SLC9A9: variants seen among roughly 807,000 people sequenced by gnomAD.
The protein encoded by SLC9A9 is solute carrier family 9 member A9.
SLC9A9 carries 62 observed loss-of-function variants against 77.8 expected under a neutral mutation model. The observed-to-expected ratio is 0.80, with a 90% CI of 0.65 to 0.98. The LOEUF is 0.98. SLC9A9 is among the 50% of genes least tolerant of loss of function. The probability of loss-of-function intolerance (pLI) is 0.00; values close to 1 mark genes in which losing one functional copy is unlikely to be tolerated. For synonymous variants in SLC9A9, 320 were observed against 283.5 expected (o/e 1.13, Z -1.29); for missense variants, 775 against 774.9 (o/e 1.00, Z 0.00).
At chr3:143,533,318 G>T (rs2036544342) in intron 9 of SLC9A9, among the ~76,000 whole-genome samples, 1 of 152,170 alleles carries the variant, frequency 6.6e-6, no homozygotes, top group South Asian at 2.1e-4. Flanking sequence ...CACATCTAGT[G>T]CTTGTCCTCC....
At chr3:143,335,570 A>G (rs1480335277) in intron 14 of SLC9A9, among the ~76,000 whole-genome samples, 1 of 152,210 alleles carries the variant, frequency 6.6e-6, no homozygotes, top group Admixed American at 6.5e-5. Context: ...ATAAAAACAG[A>G]CATTTAGACC....
chr3:143,283,298 G>C (rs1938280001), intron 14 of SLC9A9, among the ~76,000 whole-genome samples: 1 of 152,174 alleles, frequency 6.6e-6, no homozygotes, highest in South Asian at 2.1e-4. Context: ...GTAGGAGACG[G>C]GTGGGCACTG....
At chr3:143,465,338 T>G (rs959022201) in intron 12 of SLC9A9, among the ~76,000 whole-genome samples, 16 of 152,236 alleles carry the variant, frequency 1.1e-4, no homozygotes, top group African/African-American at 3.9e-4. Flanking sequence ...CCCCTCTCCC[T>G]GCTGGACCAG....
chr3:143,467,264 A>T, intron 11 of SLC9A9, 74 bp from the exon 12 acceptor site: 1 of 1,559,834 alleles, frequency 6.4e-7, no homozygotes. Context: ...TCATCTTTAC[A>T]ATTTGCTGAC....
chr3:143,525,533 C>T (rs868455482), intron 9 of SLC9A9, among the ~76,000 whole-genome samples: 1 of 152,194 alleles, frequency 6.6e-6, no homozygotes. Flanking sequence ...CCAATCATCC[C>T]ACAAGCTGCC....
intron 5 of SLC9A9, among the ~76,000 whole-genome samples, chr3:143,656,063 AG>A (rs756758006): frequency 1.7e-4 from 26 of 152,330 alleles, no homozygotes; most frequent in Non-Finnish European, 3.1e-4. Flanking sequence ...GAAGGGCAGA[AG>A]GGGAATGTGT....
intron 12 of SLC9A9, among the ~76,000 whole-genome samples, chr3:143,391,942 G>A (rs559427857): frequency 6.6e-6 from 1 of 152,306 alleles, no homozygotes; most frequent in South Asian, 2.1e-4. Flanking sequence ...CAAGAAATAT[G>A]GGACTGTGTG....
chr3:143,705,958 A>G (rs1268225103), intron 4 of SLC9A9, among the ~76,000 whole-genome samples: 1 of 152,236 alleles, frequency 6.6e-6, no homozygotes, highest in Admixed American at 6.5e-5. Context: ...TAAGTGTCCT[A>G]CGAGAGGTCA....
intron 6 of SLC9A9, among the ~76,000 whole-genome samples, chr3:143,633,513 A>C (rs2038462649): frequency 1.3e-5 from 2 of 152,178 alleles, no homozygotes; most frequent in Non-Finnish European, 2.9e-5. Flanking sequence ...GTTTGTATGT[A>C]GCACAGTATA....
chr3:143,329,217 C>T (rs1166859287), intron 14 of SLC9A9, among the ~76,000 whole-genome samples: 3 of 152,098 alleles, frequency 2.0e-5, no homozygotes, highest in Non-Finnish European at 2.9e-5. Context: ...ACAGCTCTAG[C>T]AATGTTTTTT....
chr3:143,782,467 G>T (rs76013861), intron 4 of SLC9A9, among the ~76,000 whole-genome samples: 2,552 of 152,282 alleles, frequency 0.017, 71 homozygotes, highest in African/African-American at 0.059. Flanking sequence ...AGTAAGTTTA[G>T]CTTACAAGTT....
At chr3:143,641,447 G>A (rs1322572088) in intron 6 of SLC9A9, among the ~76,000 whole-genome samples, 1 of 126,188 alleles carries the variant, frequency 7.9e-6, no homozygotes, top group Non-Finnish European at 1.6e-5. Context: ...GCAACAGAGT[G>A]CAGTGGCGCA....
chr3:143,712,110 T>C (rs1216991470), intron 4 of SLC9A9, among the ~76,000 whole-genome samples: 2 of 152,208 alleles, frequency 1.3e-5, no homozygotes, highest in African/African-American at 2.4e-5. Context: ...AAGTCCCCAT[T>C]TGATTTGAGT....
chr3:143,733,540 G>T (rs775938250), intron 4 of SLC9A9, among the ~76,000 whole-genome samples: 12 of 152,156 alleles, frequency 7.9e-5, no homozygotes, highest in Non-Finnish European at 1.5e-4. Flanking sequence ...TGAGGTCATA[G>T]GTGGGGCCTA....
intron 13 of SLC9A9, among the ~76,000 whole-genome samples, chr3:143,367,511 G>C (rs1018737735): frequency 1.3e-5 from 2 of 152,120 alleles, no homozygotes; most frequent in Non-Finnish European, 2.9e-5. Flanking sequence ...GGTTATGAAA[G>C]GCCATCAATA....
At chr3:143,506,450 G>A (rs2036019405) in intron 9 of SLC9A9, among the ~76,000 whole-genome samples, 1 of 152,012 alleles carries the variant, frequency 6.6e-6, no homozygotes. Flanking sequence ...TATTTCTTTG[G>A]TTCACAGAAA....
intron 4 of SLC9A9, among the ~76,000 whole-genome samples, chr3:143,788,527 C>T (rs1467377815): frequency 1.3e-5 from 2 of 151,800 alleles, no homozygotes; most frequent in Non-Finnish European, 2.9e-5. Flanking sequence ...CCCATCTCTA[C>T]TAAAACTATG....
chr3:143,484,580 C>T (rs143598414), intron 11 of SLC9A9, among the ~76,000 whole-genome samples: 124 of 152,278 alleles, frequency 8.1e-4, no homozygotes, highest in Middle Eastern at 3.4e-3. Context: ...GAGCCTAGGG[C>T]TGGGAGCGGG....
chr3:143,717,119 A>G (rs867704551), intron 4 of SLC9A9, among the ~76,000 whole-genome samples: 127 of 152,230 alleles, frequency 8.3e-4, no homozygotes, highest in African/African-American at 2.9e-3. Flanking sequence ...ATGTCCTTAC[A>G]CTAAACATAA....
Sources: allele counts gnomAD v4.1 joint callset (sites outside exome capture counted in the v4.1 genomes callset), GRCh38; gene constraint gnomAD v4.1.1; transcripts MANE v1.5; gene names NCBI Gene and HGNC (gene_info 2026-07-23, HGNC 2026-07-21).